HIVEP3: variants seen among roughly 807,000 people sequenced by gnomAD.
HIVEP3 encodes the protein HIVEP zinc finger 3, also known as transcription factor HIVEP3.
A neutral mutation model predicts 152.8 loss-of-function variants in HIVEP3; 49 were observed. The observed-to-expected ratio is 0.32, with a 90% CI of 0.26 to 0.41. HIVEP3 has a LOEUF of 0.41. Ranked by LOEUF, HIVEP3 falls within the 10% of genes least tolerant of loss-of-function variation. The pLI is 1.00. For missense variants in HIVEP3, 2,790 were observed against 3,103.3 expected (o/e 0.90, Z 2.40); for synonymous variants, 1,269 against 1,289.0 (o/e 0.98, Z 0.33).
At chr1:41,659,464 C>G (rs1490654147) in intron 2 of HIVEP3, among the ~76,000 whole-genome samples, 1 of 152,224 alleles carries the variant, frequency 6.6e-6, no homozygotes, top group Non-Finnish European at 1.5e-5. Context: ...GTTTTCACTG[C>G]TGTAGTCCCT....
intron 1 of HIVEP3, among the ~76,000 whole-genome samples, chr1:41,879,004 G>T (rs1171077107): frequency 6.6e-6 from 1 of 151,806 alleles, no homozygotes; most frequent in Non-Finnish European, 1.5e-5. Context: ...CCCATTTTTA[G>T]GTTTTACTTC....
intron 1 of HIVEP3, among the ~76,000 whole-genome samples, chr1:41,841,762 C>G (rs1643296617): frequency 6.6e-6 from 1 of 152,204 alleles, no homozygotes; most frequent in African/African-American, 2.4e-5. Context: ...GGTAAGTGTG[C>G]TTATGAGTTT....
rs1305613652 is a variant in HIVEP3, at chr1:41,918,047, G to GAGCCCAGCAGAGCCTGCTGCAA, written c.-801+344_-801+365dup. On this transcript the variant is annotated intron_variant, in intron 1 of 8. Transcript: ENST00000372583. The surrounding 1 kb of genome is among the most constrained non-coding windows in gnomAD (Gnocchi z 4.3). ...AGCCGGCCGCCAGTGCGCGGGTGCA[G>GAGCCCAGCAGAGCCTGCTGCAA]AGCCCAGCAGAGCCTGCTGCAAGCA... Among the ~76,000 whole-genome samples the GAGCCCAGCAGAGCCTGCTGCAA allele has an allele frequency of 6.6e-6, 1 of 152,204 alleles. No homozygotes were observed. The highest frequency in any genetic ancestry group is 2.4e-5 in the African/African-American group (1 of 41,462).
chr1:41,948,526 C>G (rs1017190692), intron 1 of HIVEP3, among the ~76,000 whole-genome samples: 1 of 114,672 alleles, frequency 8.7e-6, no homozygotes, highest in African/African-American at 3.4e-5. Flanking sequence ...AACTGCCAAG[C>G]GGATATTGAA....
chr1:41,761,880 A>G (rs1051245062), intron 1 of HIVEP3, among the ~76,000 whole-genome samples: 2 of 152,232 alleles, frequency 1.3e-5, no homozygotes, highest in African/African-American at 4.8e-5. Context: ...GCAGATCCCT[A>G]GTGAAAAACT....
chr1:41,574,361 GT>G (rs368569649), intron 5 of HIVEP3, among the ~76,000 whole-genome samples: 2 of 152,178 alleles, frequency 1.3e-5, no homozygotes, highest in African/African-American at 4.8e-5. Flanking sequence ...TTGGTTCAGT[GT>G]TTTTTCAACG....
chr1:41,888,005 C>CA (rs1644373058), intron 1 of HIVEP3, among the ~76,000 whole-genome samples: 3 of 151,782 alleles, frequency 2.0e-5, no homozygotes, highest in African/African-American at 7.3e-5. Flanking sequence ...ATCACACCCC[C>CA]ACCCCAGGCT....
intron 1 of HIVEP3, among the ~76,000 whole-genome samples, chr1:41,829,584 T>C (rs1159969382): frequency 2.6e-5 from 4 of 151,494 alleles, no homozygotes; most frequent in African/African-American, 9.7e-5. Flanking sequence ...ATAAATACAA[T>C]TATAAATAAA....
chr1:41,671,108 C>A (rs538410836), intron 2 of HIVEP3, among the ~76,000 whole-genome samples: 1 of 152,202 alleles, frequency 6.6e-6, no homozygotes, highest in Non-Finnish European at 1.5e-5. Context: ...GGCCCCTCCC[C>A]ACCCTGCCTC....
intron 1 of HIVEP3, among the ~76,000 whole-genome samples, chr1:42,024,065 T>C (rs1645569321): frequency 6.6e-6 from 1 of 152,226 alleles, no homozygotes; most frequent in Non-Finnish European, 1.5e-5. Context: ...GTTATTACAA[T>C]AGCTTTATAA....
At chr1:41,674,673 G>C (rs559829457) in intron 2 of HIVEP3, among the ~76,000 whole-genome samples, 11 of 152,236 alleles carry the variant, frequency 7.2e-5, no homozygotes, top group Non-Finnish European at 1.5e-4. Context: ...AGCCCCACCC[G>C]GCTGCCGGCC....
rs1027061304 is a variant in HIVEP3, at chr1:41,512,765, C to T, written c.6405+51G>A. The T allele has an allele frequency of 5.7e-6, 8 of 1,413,990 alleles. No homozygotes were observed. The African/African-American group carries it at 5.8e-5, about 10-fold the overall frequency. The allele number at this position is 1,413,990 out of a possible 1,614,324, so 87.6% of individuals were successfully genotyped here. A position where few individuals can be genotyped will look rare whatever the true frequency, so the allele number is the denominator to read the frequency against. On this transcript the variant is annotated intron_variant, in intron 8 of 8. Transcript: ENST00000372583. ...ACCCAGGAGGGTGTGAACTTGCAACCCCTGCACCCACAGGGGAGAAGCGGC... is the reference window on the plus strand; with the variant it reads ...ACCCAGGAGGGTGTGAACTTGCAACTCCTGCACCCACAGGGGAGAAGCGGC...
At chr1:41,529,347 T>G (rs755467320) in intron 5 of HIVEP3, among the ~76,000 whole-genome samples, 2 of 104,154 alleles carry the variant, frequency 1.9e-5, no homozygotes, top group Non-Finnish European at 3.8e-5. Context: ...TCACACATGC[T>G]GACACCCCCA....
intron 3 of HIVEP3, among the ~76,000 whole-genome samples, chr1:41,589,580 A>G (rs1478851904): frequency 6.6e-6 from 1 of 152,202 alleles, no homozygotes; most frequent in Admixed American, 6.5e-5. Flanking sequence ...CCCAGAGGAC[A>G]TTTCCAGAGG....
At chr1:41,841,697 TGTCCTCACGC>T (rs1223962121) in intron 1 of HIVEP3, among the ~76,000 whole-genome samples, 4 of 152,220 alleles carry the variant, frequency 2.6e-5, no homozygotes, top group Admixed American at 1.3e-4. Context: ...AGGGCCTCAA[TGTCCTCACGC>T]GTAAGTGATG....
chr1:41,680,080 C>T (rs1646015468), intron 2 of HIVEP3, among the ~76,000 whole-genome samples: 1 of 152,222 alleles, frequency 6.6e-6, no homozygotes. Context: ...GATGGTTGAG[C>T]CTCCTTCTAA....
At chr1:41,613,340 C>T (rs1460045407) in intron 3 of HIVEP3, among the ~76,000 whole-genome samples, 2 of 152,192 alleles carry the variant, frequency 1.3e-5, no homozygotes, top group African/African-American at 4.8e-5. Flanking sequence ...ACGCGTGGGG[C>T]GGGTCTCGTG....
intron 1 of HIVEP3, among the ~76,000 whole-genome samples, chr1:41,809,769 C>T (rs1650839513): frequency 6.6e-6 from 1 of 152,062 alleles, no homozygotes; most frequent in African/African-American, 2.4e-5. Flanking sequence ...CAAAAAGACA[C>T]TCAGTAAACA....
chr1:41,791,378 G>A (rs1649684573), intron 1 of HIVEP3, among the ~76,000 whole-genome samples: 1 of 152,316 alleles, frequency 6.6e-6, no homozygotes, highest in East Asian at 1.9e-4. Context: ...TTGCAGCTTA[G>A]GTGACTAAGT....
Sources: gnomAD v4.1 joint callset for allele counts (sites outside exome capture counted in the v4.1 genomes callset) on GRCh38, gnomAD v4.1.1 for gene constraint, Gnocchi (gnomAD v3.1) non-coding constraint, MANE v1.5 for transcripts, NCBI Gene and HGNC (gene_info 2026-07-23, HGNC 2026-07-21) for gene names.